PLXNA4: variants seen among roughly 807,000 people sequenced by gnomAD.
The protein encoded by PLXNA4 is plexin-A4.
PLXNA4 carries 44 observed loss-of-function variants against 191.8 expected under a neutral mutation model. The ratio of observed to expected loss-of-function variants is 0.23; its 90% CI spans 0.18 to 0.29. PLXNA4 has a LOEUF of 0.29. Among genes scored for constraint, PLXNA4 ranks in the 10% least tolerant of loss-of-function variants. The pLI is 1.00. For synonymous variants in PLXNA4, 1,082 were observed against 1,009.5 expected (o/e 1.07, Z -1.36); for missense variants, 1,800 against 2,488.8 (o/e 0.72, Z 5.89).
chr7:132,490,992 G>T (rs1283834602), intron 2 of PLXNA4, among the ~76,000 whole-genome samples: 1 of 152,050 alleles, frequency 6.6e-6, no homozygotes, highest in Admixed American at 6.6e-5. Context: ...GTAGTAGCTG[G>T]TGAAAAGCCC....
chr7:132,130,608 T>C lies in PLXNA4; in HGVS notation c.5590-34A>G, dbSNP rs182861255. 8.6e-4 allele frequency: 1,382 copies of C among 1,613,570 alleles called. 10 individuals are homozygous for C. Among genetic ancestry groups the C allele is most frequent in the Non-Finnish European group, 2.9e-4 (347 of 1,179,678 alleles). On this transcript the variant is annotated intron_variant, in intron 31 of 31. Transcript: ENST00000321063. The stretch of plus-strand genomic sequence containing the variant: ...GGGCCAAGAACAGGGAGATTACTCA[T>C]TTGTGTGTACAGGTCTGTGTTCTCA...
intron 1 of PLXNA4, among the ~76,000 whole-genome samples, chr7:132,554,489 C>T (rs1236037633): frequency 1.3e-5 from 2 of 152,216 alleles, no homozygotes; most frequent in African/African-American, 4.8e-5. Flanking sequence ...TCTCCACAGT[C>T]AACCAGTGGT....
At chr7:132,152,647 T>C (rs1173203487) in intron 25 of PLXNA4, among the ~76,000 whole-genome samples, 1 of 152,182 alleles carries the variant, frequency 6.6e-6, no homozygotes, top group Non-Finnish European at 1.5e-5. Flanking sequence ...CAAGAGGCAA[T>C]GTCGTAGCTC....
chr7:132,376,670 A>C (rs1304383802), intron 3 of PLXNA4, among the ~76,000 whole-genome samples: 1 of 152,166 alleles, frequency 6.6e-6, no homozygotes, highest in South Asian at 2.1e-4. Flanking sequence ...AGGCCTCCTG[A>C]TTTCTCCACC....
At chr7:132,549,357 C>T (rs546410210) in intron 1 of PLXNA4, among the ~76,000 whole-genome samples, 1 of 152,122 alleles carries the variant, frequency 6.6e-6, no homozygotes, top group Non-Finnish European at 1.5e-5. Context: ...AATTTCCCCT[C>T]GTACAAAATA....
chr7:132,176,785 T>C (rs1384067036), intron 20 of PLXNA4, among the ~76,000 whole-genome samples: 1 of 152,020 alleles, frequency 6.6e-6, no homozygotes, highest in Non-Finnish European at 1.5e-5. Context: ...TGTGTGTGTA[T>C]GCTTGTCAGT....
intron 1 of PLXNA4, among the ~76,000 whole-genome samples, chr7:132,515,068 A>G (rs919576938): frequency 2.0e-5 from 3 of 152,180 alleles, no homozygotes; most frequent in Admixed American, 2.0e-4. Context: ...ATCAGGAATG[A>G]GAAACTGGTT....
chr7:132,156,459 G>T (rs977438592), intron 25 of PLXNA4, among the ~76,000 whole-genome samples: 1 of 152,222 alleles, frequency 6.6e-6, no homozygotes, highest in African/African-American at 2.4e-5. Context: ...CAATGACGGG[G>T]TGGTGCAAAA....
chr7:132,156,265 C>T (rs1301961219), intron 25 of PLXNA4, among the ~76,000 whole-genome samples: 2 of 151,924 alleles, frequency 1.3e-5, no homozygotes, highest in African/African-American at 4.8e-5. Flanking sequence ...CTCCTTAATG[C>T]CTGCACAAGT....
intron 3 of PLXNA4, among the ~76,000 whole-genome samples, chr7:132,483,144 A>C (rs924716916): frequency 6.6e-6 from 1 of 152,118 alleles, no homozygotes; most frequent in Non-Finnish European, 1.5e-5. Flanking sequence ...GCAGACCCCA[A>C]ATCAGAACAT....
intron 1 of PLXNA4, among the ~76,000 whole-genome samples, chr7:132,535,463 G>C (rs995974993): frequency 6.6e-6 from 1 of 152,122 alleles, no homozygotes; most frequent in African/African-American, 2.4e-5. Flanking sequence ...GGCCTTTTGT[G>C]GCTGAGGCCA....
intron 4 of PLXNA4, among the ~76,000 whole-genome samples, chr7:132,287,973 G>T (rs1800747417): frequency 6.6e-6 from 1 of 152,318 alleles, no homozygotes; most frequent in South Asian, 2.1e-4. Context: ...TTCTATGGCT[G>T]GTTCTGACAC....
At position 132,127,030 on chromosome 7, in the gene PLXNA4, G is replaced by A. The variant is rs1016535403; in HGVS notation, c.*3449C>T. 2 of 152,168 alleles carry A rather than the reference G, an allele frequency of 1.3e-5. No individual in the cohort carries two copies. Among genetic ancestry groups the A allele is most frequent in the African/African-American group, 4.8e-5 (2 of 41,408 alleles). 9.4% of individuals were successfully genotyped at this position (152,168 alleles called of 1,614,324 possible). A position where few individuals can be genotyped will look rare whatever the true frequency, so the allele number is the denominator to read the frequency against. ...AAAAGCTGCATCTGGGGGGACTTGT[G>A]GCCAGGAGAAATGACCAGCCTACCA... is the stretch of plus-strand genomic sequence containing the variant. On this transcript the variant is annotated 3_prime_UTR_variant, in exon 32 of 32. Coordinates refer to ENST00000321063, the MANE Select transcript of PLXNA4 (RefSeq NM_020911.2).
intron 3 of PLXNA4, among the ~76,000 whole-genome samples, chr7:132,449,805 C>T (rs1796051809): frequency 3.9e-5 from 6 of 152,238 alleles, no homozygotes; most frequent in Admixed American, 3.9e-4. Context: ...GGCAGAAGTC[C>T]AGACTACTTC....
chr7:132,635,834 C>G (rs1803593741), intron 2 of PLXNA4, among the ~76,000 whole-genome samples: 1 of 152,136 alleles, frequency 6.6e-6, no homozygotes, highest in Admixed American at 6.6e-5. Flanking sequence ...TCAGGAAGTT[C>G]CACGTTTAAT....
intron 24 of PLXNA4, 32 bp downstream of exon 24, chr7:132,164,110 A>G: frequency 6.2e-7 from 1 of 1,612,308 alleles, no homozygotes; most frequent in South Asian, 1.1e-5. Flanking sequence ...CCGCCTGTCA[A>G]AGCCCCAGGG....
At chr7:132,384,612 T>C (rs1037092776) in intron 3 of PLXNA4, 70 of 990,526 alleles carry the variant, frequency 7.1e-5, no homozygotes, top group African/African-American at 1.9e-4. Flanking sequence ...CAGGCACTGT[T>C]GGCTTCCTTT....
chr7:132,578,041 A>G (rs1417173579), upstream of PLXNA4, among the ~76,000 whole-genome samples: 2 of 152,072 alleles, frequency 1.3e-5, no homozygotes, highest in Admixed American at 6.5e-5. Context: ...CCTAGACTAC[A>G]TCCAGAACAG....
chr7:132,130,404 T>C lies in PLXNA4; in HGVS notation c.*75A>G. ...TGCTGATGCCAGTCGGAACTTGCAC[T>C]TGGTAAAGATGATAATCTAGACTGA... On this transcript the variant is annotated 3_prime_UTR_variant, in exon 32 of 32. Coordinates refer to ENST00000321063, the MANE Select transcript of PLXNA4 (RefSeq NM_020911.2). 1 of 1,604,274 alleles carries C rather than the reference T, an allele frequency of 6.2e-7. No homozygotes were observed. The highest frequency in any genetic ancestry group is 8.5e-7 in the Non-Finnish European group (1 of 1,172,504).
Sources: gnomAD v4.1 joint callset for allele counts (sites outside exome capture counted in the v4.1 genomes callset) on GRCh38, gnomAD v4.1.1 for gene constraint, MANE v1.5 for transcripts, NCBI Gene and HGNC (gene_info 2026-07-23, HGNC 2026-07-21) for gene names.